Variants in SMYD3 observed in about 807,000 individuals in gnomAD.
SMYD3 encodes SET and MYND domain containing 3, also known as histone-lysine N-methyltransferase SMYD3.
SMYD3 carries 36 observed loss-of-function variants against 57.7 expected under a neutral mutation model. The ratio of observed to expected loss-of-function variants is 0.62; its 90% CI spans 0.48 to 0.82. The LOEUF is 0.82. Among genes scored for constraint, SMYD3 ranks in the 40% least tolerant of loss-of-function variants. The pLI is 0.00. For missense variants in SMYD3, 515 were observed against 538.8 expected (o/e 0.96, Z 0.44); for synonymous variants, 211 against 195.0 (o/e 1.08, Z -0.68).
At chr1:246,199,088 C>T (rs1315152699) in intron 5 of SMYD3, among the ~76,000 whole-genome samples, 1 of 151,870 alleles carries the variant, frequency 6.6e-6, no homozygotes, top group African/African-American at 2.4e-5. Flanking sequence ...GAGCCTAGTA[C>T]CCAATGGGTA....
intron 5 of SMYD3, among the ~76,000 whole-genome samples, chr1:246,278,226 T>C (rs1572328374): frequency 6.9e-6 from 1 of 143,942 alleles, no homozygotes; most frequent in African/African-American, 2.5e-5. Context: ...TCCCTTTCCG[T>C]CTCCCCTCTG....
chr1:245,940,313 T>C (rs925092402), intron 5 of SMYD3, among the ~76,000 whole-genome samples: 2 of 152,122 alleles, frequency 1.3e-5, no homozygotes, highest in Non-Finnish European at 2.9e-5. Flanking sequence ...ATATCCCTCA[T>C]CCTGTGCCTC....
chr1:246,438,922 C>G (rs1439624855), intron 1 of SMYD3, among the ~76,000 whole-genome samples: 1 of 151,784 alleles, frequency 6.6e-6, no homozygotes, highest in East Asian at 1.9e-4. Flanking sequence ...GGAGACAGGG[C>G]TCAGGCAATA....
intron 7 of SMYD3, among the ~76,000 whole-genome samples, chr1:245,924,092 T>C (rs1429999398): frequency 1.3e-5 from 2 of 152,218 alleles, no homozygotes; most frequent in Admixed American, 1.3e-4. Context: ...ATGGCATTAT[T>C]TGTAACAGCT....
chr1:246,478,103 A>AG (rs76444475), intron 1 of SMYD3, among the ~76,000 whole-genome samples: 37,288 of 152,158 alleles, frequency 0.25, 4,926 homozygotes, highest in Middle Eastern at 0.38. Flanking sequence ...ATATGTGGCT[A>AG]GGTACCCAGT....
At chr1:245,856,303 G>C (rs1248811152) in intron 10 of SMYD3, among the ~76,000 whole-genome samples, 1 of 152,076 alleles carries the variant, frequency 6.6e-6, no homozygotes, top group African/African-American at 2.4e-5. Flanking sequence ...CAAATGATTC[G>C]TACCTCACTC....
chr1:246,137,317 A>G (rs1236589875), intron 5 of SMYD3, among the ~76,000 whole-genome samples: 3 of 152,180 alleles, frequency 2.0e-5, no homozygotes, highest in Non-Finnish European at 4.4e-5. Flanking sequence ...TCTTAATATT[A>G]ATTTCTCCTT....
chr1:245,928,154 ATG>A (rs776092769), intron 6 of SMYD3, 121 bp from the exon 7 acceptor site: 85,680 of 659,734 alleles, frequency 0.13, 9,384 homozygotes, highest in East Asian at 0.53. Context: ...GGTTGACAGG[ATG>A]CCAGGGGTTC....
At chr1:245,791,344 C>G (rs2047257991) in intron 10 of SMYD3, among the ~76,000 whole-genome samples, 1 of 152,168 alleles carries the variant, frequency 6.6e-6, no homozygotes, top group Non-Finnish European at 1.5e-5. Flanking sequence ...TAAAGTACTA[C>G]TTGCAACACT....
At chr1:246,114,133 A>G (rs1355320995) in intron 5 of SMYD3, among the ~76,000 whole-genome samples, 2 of 111,668 alleles carry the variant, frequency 1.8e-5, no homozygotes, top group Admixed American at 1.5e-4. Context: ...GGGCTCTGAC[A>G]GGGGACAGTT....
intron 5 of SMYD3, among the ~76,000 whole-genome samples, chr1:246,100,361 C>T (rs868817251): frequency 2.6e-5 from 4 of 152,176 alleles, no homozygotes; most frequent in Non-Finnish European, 4.4e-5. Context: ...TGTGACCTGC[C>T]GCTGCCTGGC....
intron 1 of SMYD3, among the ~76,000 whole-genome samples, chr1:246,372,854 T>C (rs1207050395): frequency 1.3e-5 from 2 of 152,088 alleles, no homozygotes; most frequent in Admixed American, 1.3e-4. Flanking sequence ...TCCATAAAGT[T>C]TGGAGTCAGG....
At chr1:246,078,088 T>C (rs918214014) in intron 5 of SMYD3, among the ~76,000 whole-genome samples, 1 of 152,062 alleles carries the variant, frequency 6.6e-6, no homozygotes, top group African/African-American at 2.4e-5. Context: ...TGAAATAATA[T>C]AAGTGCTCTT....
At position 246,348,077 on chromosome 1, in the gene SMYD3, T is replaced by TATATATATATATATATAC; in HGVS notation, c.228+6953_228+6954insGTATATATATATATATAT. ...AGAAAACGTTATATATATATATATA[T>TATATATATATATATATAC]ACACACACACCATCAAATACTATGA... is the stretch of plus-strand genomic sequence containing the variant. On this transcript the variant is annotated intron_variant, in intron 2 of 11. Transcript: ENST00000490107. Among the ~76,000 whole-genome samples the TATATATATATATATATAC allele has an allele frequency of 4.6e-3, 397 of 86,434 alleles. 27 individuals are homozygous for TATATATATATATATATAC. The highest frequency in any genetic ancestry group is 5.1e-3 in the Non-Finnish European group (197 of 38,346). The allele number at this position is 86,434 out of a possible 152,430, so 56.7% of individuals were successfully genotyped here.
At chr1:245,902,028 C>CA (rs1300667497) in intron 8 of SMYD3, among the ~76,000 whole-genome samples, 2 of 152,076 alleles carry the variant, frequency 1.3e-5, no homozygotes, top group African/African-American at 4.8e-5. Flanking sequence ...GGCATGGCAC[C>CA]ATTTTAAGAG....
At chr1:246,373,952 A>G (rs1014251721) in intron 1 of SMYD3, among the ~76,000 whole-genome samples, 1 of 152,188 alleles carries the variant, frequency 6.6e-6, no homozygotes, top group Non-Finnish European at 1.5e-5. Flanking sequence ...TTCTTTCAAC[A>G]AAAATATACT....
intron 5 of SMYD3, among the ~76,000 whole-genome samples, chr1:245,953,037 G>A (rs2057714487): frequency 6.6e-6 from 1 of 152,166 alleles, no homozygotes; most frequent in Admixed American, 6.5e-5. Context: ...AGGCTGAGCA[G>A]GAGGCTCTAA....
chr1:246,051,274 C>T (rs2060063188), intron 5 of SMYD3, among the ~76,000 whole-genome samples: 1 of 151,930 alleles, frequency 6.6e-6, no homozygotes, highest in Admixed American at 6.6e-5. Context: ...GTGTCTCCCA[C>T]TATACCCAGC....
At chr1:245,960,727 CTAAA>C (rs61051860) in intron 5 of SMYD3, among the ~76,000 whole-genome samples, 54 of 150,576 alleles carry the variant, frequency 3.6e-4, no homozygotes, top group East Asian at 2.2e-3. Context: ...GACTCTGTCT[CTAAA>C]TAAATAAATA....
Sources: gnomAD v4.1 joint callset for allele counts (sites outside exome capture counted in the v4.1 genomes callset) on GRCh38, gnomAD v4.1.1 for gene constraint, MANE v1.5 for transcripts, NCBI Gene and HGNC (gene_info 2026-07-23, HGNC 2026-07-21) for gene names.